The following SEMA6D variants were observed in gnomAD, a reference collection of about 807,000 sequenced individuals.
SEMA6D encodes the protein semaphorin-6D.
Under a neutral mutation model 106.6 loss-of-function variants are expected in SEMA6D, and 35 were observed. The observed-to-expected ratio is 0.33, with a 90% CI of 0.25 to 0.44. The LOEUF (loss-of-function observed/expected upper bound fraction) is 0.44, where lower values mean the gene tolerates loss of function less well. SEMA6D is among the 20% of genes least tolerant of loss of function. SEMA6D has a pLI of 1.00. For missense variants in SEMA6D, 1,185 were observed against 1,345.9 expected (o/e 0.88, Z 1.87); for synonymous variants, 499 against 487.7 (o/e 1.02, Z -0.31).
intron 3 of SEMA6D, among the ~76,000 whole-genome samples, chr15:47,544,815 T>G (rs1219138685): frequency 4.1e-5 from 6 of 147,828 alleles, no homozygotes; most frequent in East Asian, 2.0e-4. Flanking sequence ...TCGTATTTTT[T>G]GGGGGTAGCC....
At chr15:47,294,596 A>G (rs2035732391) in intron 1 of SEMA6D, among the ~76,000 whole-genome samples, 2 of 152,140 alleles carry the variant, frequency 1.3e-5, no homozygotes, top group South Asian at 4.1e-4. Flanking sequence ...TCATTTTCTG[A>G]CTTCCTCCTG....
intron 3 of SEMA6D, among the ~76,000 whole-genome samples, chr15:47,472,786 GA>G (rs1173074948): frequency 6.6e-6 from 1 of 152,220 alleles, no homozygotes; most frequent in Non-Finnish European, 1.5e-5. Context: ...GTTCAATGTG[GA>G]AAATATTGAT....
chr15:47,204,414 T>C (rs1415697249), intron 1 of SEMA6D, among the ~76,000 whole-genome samples: 1 of 152,180 alleles, frequency 6.6e-6, no homozygotes, highest in Non-Finnish European at 1.5e-5. Context: ...AGGTTACTGT[T>C]TACAGTAAAA....
chr15:47,629,483 G>A (rs184075161), intron 4 of SEMA6D, among the ~76,000 whole-genome samples: 2 of 152,004 alleles, frequency 1.3e-5, no homozygotes, highest in East Asian at 3.9e-4. Flanking sequence ...ATCAGTACAT[G>A]TGAGTGTTTG....
In SEMA6D at chr15:47,260,813, A is replaced by T. The variant is rs192867155; in HGVS notation, c.-239+76395A>T. On this transcript the variant is annotated intron_variant, in intron 1 of 19. Transcript: ENST00000558014. Reference sequence around the variant, plus strand: ...TCCTTGGACACTTATCAGTAGCAAGACTCCTGATTGATCCCTCTTGCTAGT... The same window carrying T: ...TCCTTGGACACTTATCAGTAGCAAGTCTCCTGATTGATCCCTCTTGCTAGT... Among the ~76,000 whole-genome samples, 59 of 151,864 alleles carry T rather than the reference A, an allele frequency of 3.9e-4. 1 individual carries two copies. Among genetic ancestry groups the T allele is most frequent in the African/African-American group, 1.2e-3 (51 of 41,394 alleles).
chr15:47,485,765 T>C (rs1166103459), intron 3 of SEMA6D, among the ~76,000 whole-genome samples: 1 of 152,184 alleles, frequency 6.6e-6, no homozygotes, highest in Non-Finnish European at 1.5e-5. Flanking sequence ...CCATATTTCA[T>C]GTAGCCAAGA....
intron 1 of SEMA6D, among the ~76,000 whole-genome samples, chr15:47,366,003 A>G (rs1425345841): frequency 6.6e-6 from 1 of 152,166 alleles, no homozygotes; most frequent in Non-Finnish European, 1.5e-5. Context: ...TTTCCAGAGC[A>G]TATTACATTT....
chr15:47,592,295 T>C (rs1204260779), intron 3 of SEMA6D, among the ~76,000 whole-genome samples: 1 of 152,250 alleles, frequency 6.6e-6, no homozygotes, highest in Non-Finnish European at 1.5e-5. Flanking sequence ...TGCCTTACTC[T>C]GACTTTGTGA....
At chr15:47,654,036 C>T (rs2077744283) in intron 4 of SEMA6D, among the ~76,000 whole-genome samples, 2 of 152,132 alleles carry the variant, frequency 1.3e-5, no homozygotes, top group Non-Finnish European at 2.9e-5. Flanking sequence ...TCTTATCTTC[C>T]ATGTTGGTGT....
At chr15:47,715,107 A>G (rs886410386), upstream of SEMA6D, among the ~76,000 whole-genome samples, 5 of 152,202 alleles carry the variant, frequency 3.3e-5, no homozygotes, top group African/African-American at 1.2e-4. Flanking sequence ...ATTGTTGGCT[A>G]GAAGTCAGGA....
chr15:47,502,281 G>C (rs17374298), intron 3 of SEMA6D, among the ~76,000 whole-genome samples: 24,336 of 152,146 alleles, frequency 0.16, 2,543 homozygotes, highest in South Asian at 0.28. Context: ...CTCTCTACAA[G>C]GGTTTGATTA....
intron 1 of SEMA6D, among the ~76,000 whole-genome samples, chr15:47,725,020 C>T (rs1025466147): frequency 1.3e-5 from 2 of 152,190 alleles, no homozygotes; most frequent in Non-Finnish European, 2.9e-5. Context: ...TCACTGGCTT[C>T]ATCTTTTTTC....
chr15:47,467,196 A>G (rs1196919409), intron 2 of SEMA6D, among the ~76,000 whole-genome samples: 1 of 152,148 alleles, frequency 6.6e-6, no homozygotes, highest in Non-Finnish European at 1.5e-5. Context: ...AGTTATCCAT[A>G]TCAATGTAAA....
chr15:47,257,246 A>G (rs1192496881), intron 1 of SEMA6D, among the ~76,000 whole-genome samples: 2 of 152,048 alleles, frequency 1.3e-5, no homozygotes, highest in Non-Finnish European at 2.9e-5. Context: ...TTTAGTAGAG[A>G]CAGGGTTTCA....
chr15:47,445,389 C>T (rs1040508736), intron 2 of SEMA6D, among the ~76,000 whole-genome samples: 74 of 152,002 alleles, frequency 4.9e-4, no homozygotes, highest in African/African-American at 1.8e-3. Flanking sequence ...TATTATGATA[C>T]TGTCCTTAAA....
At chr15:47,412,363 T>G (rs2040827718) in intron 1 of SEMA6D, 1 of 152,748 alleles carries the variant, frequency 6.5e-6, no homozygotes, top group South Asian at 2.1e-4. Context: ...AGGCTCTGTT[T>G]CATGAATGTT....
At chr15:47,711,309 CAAAAAAAA>C (rs10672105) in intron 4 of SEMA6D, among the ~76,000 whole-genome samples, 1 of 97,816 alleles carries the variant, frequency 1.0e-5, no homozygotes, top group Non-Finnish European at 1.9e-5. Flanking sequence ...GACTCCGTCT[CAAAAAAAA>C]AAAAAAAAAA....
intron 3 of SEMA6D, among the ~76,000 whole-genome samples, chr15:47,517,036 T>C (rs1025882728): frequency 5.9e-5 from 9 of 152,208 alleles, no homozygotes; most frequent in Admixed American, 1.3e-4. Context: ...GAGTCAGTGC[T>C]ACTCTCTTGT....
chr15:47,460,604 G>A (rs187384425), intron 2 of SEMA6D, among the ~76,000 whole-genome samples: 1 of 152,188 alleles, frequency 6.6e-6, no homozygotes, highest in Non-Finnish European at 1.5e-5. Context: ...TTAGTGTTAG[G>A]TGTTAATGTA....
Sources: allele counts gnomAD v4.1 joint callset (sites outside exome capture counted in the v4.1 genomes callset), GRCh38; gene constraint gnomAD v4.1.1; transcripts MANE v1.5; gene names NCBI Gene and HGNC (gene_info 2026-07-23, HGNC 2026-07-21).